TP63: variants seen among roughly 807,000 people sequenced by gnomAD.
The protein encoded by TP63 is tumor protein p63.
Under a neutral mutation model 82.8 loss-of-function variants are expected in TP63, and 17 were observed. The ratio of observed to expected loss-of-function variants is 0.21; its 90% CI spans 0.14 to 0.31. The LOEUF is 0.31. Ranked by LOEUF, TP63 falls within the 10% of genes least tolerant of loss-of-function variation. The pLI is 1.00. For synonymous variants in TP63, 330 were observed against 321.7 expected, an observed-to-expected ratio of 1.03 and a Z score of -0.28; for missense variants, 648 against 895.3, an observed-to-expected ratio of 0.72 and a Z score of 3.52.
intron 3 of TP63, 34 bp downstream of exon 3, chr3:189,738,808 G>C (rs767049439): frequency 6.2e-7 from 1 of 1,612,360 alleles, no homozygotes; most frequent in African/African-American, 1.3e-5. Flanking sequence ...CAGTCTTTGG[G>C]CCATGCTATC....
chr3:189,835,062 C>G (rs1418646216), intron 4 of TP63, among the ~76,000 whole-genome samples: 1 of 152,018 alleles, frequency 6.6e-6, no homozygotes, highest in East Asian at 1.9e-4. Context: ...GTTTTTCATG[C>G]AGTCCCTAAT....
intron 4 of TP63, among the ~76,000 whole-genome samples, chr3:189,860,118 G>T (rs1716840323): frequency 6.6e-6 from 1 of 151,936 alleles, no homozygotes; most frequent in Non-Finnish European, 1.5e-5. Flanking sequence ...TTGCGGAAAA[G>T]TATACCACAT....
chr3:189,603,700 A>AT, the TP63 span, among the ~76,000 whole-genome samples: 2 of 131,002 alleles, frequency 1.5e-5, no homozygotes, highest in African/African-American at 5.5e-5. Flanking sequence ...GGAGTTACAG[A>AT]TTTTTTTTCC....
chr3:189,675,601 A>T (rs997275179), intron 1 of TP63, among the ~76,000 whole-genome samples: 1 of 152,066 alleles, frequency 6.6e-6, no homozygotes, highest in Non-Finnish European at 1.5e-5. Context: ...TTTTTTCGCT[A>T]GTCTACTCAG....
intron 1 of TP63, among the ~76,000 whole-genome samples, chr3:189,674,156 T>A (rs1409629192): frequency 6.6e-6 from 1 of 152,074 alleles, no homozygotes; most frequent in Non-Finnish European, 1.5e-5. Context: ...CCAGTGTACA[T>A]AATGTCAGGT....
chr3:189,641,229 T>C (rs951056736), intron 1 of TP63, among the ~76,000 whole-genome samples: 3 of 152,096 alleles, frequency 2.0e-5, no homozygotes, highest in African/African-American at 4.8e-5. Context: ...TGATAAGAAA[T>C]TTACAACTTC....
At chr3:189,691,595 T>G (rs929911139) in intron 1 of TP63, among the ~76,000 whole-genome samples, 2 of 152,158 alleles carry the variant, frequency 1.3e-5, no homozygotes, top group Non-Finnish European at 2.9e-5. Context: ...AAATGTTTCT[T>G]GGGGGCCAAA....
chr3:189,675,161 C>T (rs753413087), intron 1 of TP63, among the ~76,000 whole-genome samples: 1 of 152,046 alleles, frequency 6.6e-6, no homozygotes, highest in Non-Finnish European at 1.5e-5. Flanking sequence ...GACTAACTGG[C>T]TCTCTGGAGT....
intron 3 of TP63, among the ~76,000 whole-genome samples, chr3:189,757,026 T>A (rs1722235719): frequency 6.6e-6 from 1 of 152,256 alleles, no homozygotes; most frequent in South Asian, 2.1e-4. Flanking sequence ...ATTAGTCATC[T>A]GTCCTTTCCT....
At chr3:189,603,942 G>C in the TP63 span, among the ~76,000 whole-genome samples, 47 of 152,020 alleles carry the variant, frequency 3.1e-4, no homozygotes, top group African/African-American at 1.1e-3. Context: ...GCCCCCAAAA[G>C]TTAACACTCC....
intron 3 of TP63, among the ~76,000 whole-genome samples, chr3:189,757,752 C>T (rs1276770528): frequency 6.6e-6 from 1 of 152,160 alleles, no homozygotes; most frequent in Non-Finnish European, 1.5e-5. Flanking sequence ...CAACCCTCAC[C>T]AGCAATCTCA....
intron 4 of TP63, chr3:189,830,094 G>A (rs1482420642): frequency 5.1e-6 from 1 of 196,150 alleles, no homozygotes; most frequent in Non-Finnish European, 1.2e-5. Context: ...GGAATAGGAT[G>A]GGGAATGGGG....
chr3:189,606,801 G>A, the TP63 span, among the ~76,000 whole-genome samples: 13 of 151,912 alleles, frequency 8.6e-5, no homozygotes, highest in African/African-American at 2.9e-4. Context: ...GTGCACCACC[G>A]CGACGGGCCA....
rs59468983 is a variant in TP63 at position 189,848,239 on chromosome 3, T to TTCTC, written c.580-15965_580-15962dup. On this transcript the variant is annotated intron_variant, in intron 4 of 13. Transcript: ENST00000264731. ...CTCTGCCTCCTCCTCCTCCTCCTCC[T>TTCTC]TCTCTCTCTCTCTCTCTCTCTCTCT... is the stretch of plus-strand genomic sequence containing the variant. Among the ~76,000 whole-genome samples the TTCTC allele has an allele frequency of 7.4e-3, 708 of 95,992 alleles. 51 individuals are homozygous for TTCTC. The highest frequency in any genetic ancestry group is 0.024 in the African/African-American group (555 of 23,454). The allele number at this position is 95,992 out of a possible 152,430, so 63.0% of individuals were successfully genotyped here.
At chr3:189,645,507 A>ATTAT (rs1348723102) in intron 1 of TP63, 9 of 188,888 alleles carry the variant, frequency 4.8e-5, no homozygotes, top group African/African-American at 2.1e-4. Context: ...TAATTTTTTT[A>ATTAT]TTATTTATTT....
intron 4 of TP63, among the ~76,000 whole-genome samples, chr3:189,828,176 G>C (rs187709138): frequency 1.7e-3 from 252 of 152,140 alleles, no homozygotes; most frequent in East Asian, 5.8e-3. Context: ...AGGAGGCAGA[G>C]GTTGCAGTGA....
At chr3:189,686,737 T>TTTG (rs1278742865) in intron 1 of TP63, among the ~76,000 whole-genome samples, 3 of 149,246 alleles carry the variant, frequency 2.0e-5, no homozygotes, top group African/African-American at 4.9e-5. Flanking sequence ...CAGGGTTTTT[T>TTTG]TTTTTTTTTT....
chr3:189,766,203 AT>A (rs1425717032), intron 3 of TP63, among the ~76,000 whole-genome samples: 10 of 152,210 alleles, frequency 6.6e-5, no homozygotes, highest in African/African-American at 2.4e-4. Flanking sequence ...ATCTAAAAAA[AT>A]AATAACTAGT....
At chr3:189,783,053 G>A (rs1724346179) in intron 3 of TP63, among the ~76,000 whole-genome samples, 1 of 151,894 alleles carries the variant, frequency 6.6e-6, no homozygotes, top group Non-Finnish European at 1.5e-5. Flanking sequence ...TTAATAAATA[G>A]TGTAATAATT....
Sources: allele counts gnomAD v4.1 joint callset (sites outside exome capture counted in the v4.1 genomes callset), GRCh38; gene constraint gnomAD v4.1.1; transcripts MANE v1.5; gene names NCBI Gene and HGNC (gene_info 2026-07-23, HGNC 2026-07-21).